DYM: variants seen among roughly 807,000 people sequenced by gnomAD.
The protein encoded by DYM is dyggve-Melchior-Clausen syndrome protein.
In DYM, 78 loss-of-function variants were observed where a neutral mutation model predicts 93.1. The ratio of observed to expected loss-of-function variants is 0.84; its 90% CI spans 0.70 to 1.01. DYM has a LOEUF of 1.01. DYM is among the 50% of genes least tolerant of loss of function. DYM has a pLI of 0.00. For synonymous variants in DYM, 321 were observed against 319.7 expected (o/e 1.00, Z -0.04); for missense variants, 789 against 845.0 (o/e 0.93, Z 0.82).
chr18:49,050,118 C>T (rs770215127), intron 17 of DYM, among the ~76,000 whole-genome samples: 1 of 135,810 alleles, frequency 7.4e-6, no homozygotes, highest in South Asian at 2.5e-4. Flanking sequence ...TGGAGTTTCA[C>T]TCTTGTTGCC....
At chr18:49,197,178 C>A (rs372373913) in intron 14 of DYM, among the ~76,000 whole-genome samples, 16 of 152,190 alleles carry the variant, frequency 1.1e-4, no homozygotes, top group East Asian at 7.7e-4. Context: ...CAGGACAGGA[C>A]AAGGGCTCAG....
intron 14 of DYM, among the ~76,000 whole-genome samples, chr18:49,170,894 A>G (rs1440720824): frequency 2.0e-5 from 3 of 152,030 alleles, no homozygotes; most frequent in Non-Finnish European, 4.4e-5. Context: ...GAACTAGGAA[A>G]GAAAGACATT....
intron 13 of DYM, among the ~76,000 whole-genome samples, chr18:49,229,133 TTA>T (rs1188146017): frequency 2.1e-5 from 1 of 48,088 alleles, no homozygotes; most frequent in Non-Finnish European, 3.9e-5. Flanking sequence ...AAAACTAATT[TTA>T]GATTTATTAA....
intron 8 of DYM, among the ~76,000 whole-genome samples, chr18:49,320,443 G>A (rs980490603): frequency 6.6e-6 from 1 of 152,046 alleles, no homozygotes; most frequent in African/African-American, 2.4e-5. Context: ...TCAAAGTTAA[G>A]TTGCAGAAAC....
At chr18:49,203,643 G>A (rs2092286143) in intron 14 of DYM, among the ~76,000 whole-genome samples, 1 of 141,518 alleles carries the variant, frequency 7.1e-6, no homozygotes, top group African/African-American at 2.6e-5. Context: ...TTAAACAGAT[G>A]CTTGAAGGCA....
chr18:49,349,397 TAGAC>T (rs1213400901), intron 6 of DYM, among the ~76,000 whole-genome samples: 3 of 152,174 alleles, frequency 2.0e-5, no homozygotes, highest in Non-Finnish European at 4.4e-5. Context: ...AAAATTAAGA[TAGAC>T]TGACAGATTG....
intron 17 of DYM, among the ~76,000 whole-genome samples, chr18:49,069,268 G>A (rs920020793): frequency 7.9e-5 from 12 of 152,180 alleles, no homozygotes; most frequent in African/African-American, 2.9e-4. Context: ...CCCTCCCAAA[G>A]TAAAATAAAA....
intron 16 of DYM, among the ~76,000 whole-genome samples, chr18:49,100,341 T>G (rs1330804532): frequency 1.3e-5 from 2 of 152,094 alleles, no homozygotes; most frequent in Admixed American, 1.3e-4. Context: ...CAGTATTCAC[T>G]TACTACTCAA....
chr18:49,363,311 T>G, intron 5 of DYM, 78 bp from the exon 6 acceptor site: 1 of 1,000,764 alleles, frequency 1.0e-6, no homozygotes, highest in Non-Finnish European at 1.6e-6. Flanking sequence ...ACATTTTCAT[T>G]CCTAATGAGA....
intron 2 of DYM, chr18:49,393,589 G>A (rs2069667292): frequency 6.6e-6 from 1 of 152,140 alleles, no homozygotes; most frequent in African/African-American, 2.4e-5. Flanking sequence ...TGACCAACAT[G>A]GAGAAACCCC....
intron 13 of DYM, among the ~76,000 whole-genome samples, chr18:49,243,018 A>G (rs917294450): frequency 6.6e-6 from 1 of 152,162 alleles, no homozygotes; most frequent in Non-Finnish European, 1.5e-5. Flanking sequence ...GGGTTTCTAA[A>G]GGAAGCTTAG....
At chr18:49,309,803 T>C (rs1325712729) in intron 8 of DYM, among the ~76,000 whole-genome samples, 1 of 151,928 alleles carries the variant, frequency 6.6e-6, no homozygotes, top group African/African-American at 2.4e-5. Flanking sequence ...GGAATAATAA[T>C]GGAAAAAAAG....
Position 49,421,176 on chromosome 18 carries a change from T to C in DYM, c.140+9079A>G, listed in dbSNP as rs535714397. Reference sequence around the variant, plus strand: ...GGTTCTCCCAGCACGGAGTTTGAGATCTGAGAATGGACAGACTGCCTCCTC... The same window carrying C: ...GGTTCTCCCAGCACGGAGTTTGAGACCTGAGAATGGACAGACTGCCTCCTC... On this transcript the variant is annotated intron_variant, in intron 2 of 17. Coordinates refer to ENST00000675505, the MANE Select transcript of DYM (RefSeq NM_001353214.3). Among the ~76,000 whole-genome samples, 475 of 152,270 alleles carry C rather than the reference T, an allele frequency of 3.1e-3. 2 individuals are homozygous for C. The highest frequency in any genetic ancestry group is 0.01 in the African/African-American group (420 of 41,554).
intron 17 of DYM, among the ~76,000 whole-genome samples, chr18:49,051,328 T>C (rs974461830): frequency 6.6e-6 from 1 of 152,210 alleles, no homozygotes; most frequent in Non-Finnish European, 1.5e-5. Context: ...CTTGGCTCTG[T>C]CTTGGCTCAG....
rs1269629918 is a variant in DYM at position 49,093,578 on chromosome 18, AG to A, written c.2025+3823del. Among the ~76,000 whole-genome samples the A allele has an allele frequency of 2.0e-5, 3 of 152,174 alleles. No individual in the cohort carries two copies. In the East Asian group the frequency reaches 5.8e-4, roughly 29 times the overall value. ...AATGACTTGAGAAATGAGAATTTCT[AG>A]GGTTTGGGATCTAACAGTACTTTTG... On this transcript the variant is annotated intron_variant, in intron 17 of 17. Coordinates refer to ENST00000675505, the MANE Select transcript of DYM (RefSeq NM_001353214.3).
At chr18:49,440,353 A>T (rs1443894514) in intron 1 of DYM, among the ~76,000 whole-genome samples, 8 of 123,870 alleles carry the variant, frequency 6.5e-5, no homozygotes, top group Admixed American at 6.4e-4. Context: ...TATATAATAT[A>T]GTATATGATA....
rs776193537 is a variant in DYM at position 49,244,187 on chromosome 18, G to A, written c.1460+12823C>T. The stretch of plus-strand genomic sequence containing the variant: ...TACTCATTTAGAGGGTATTTGCTAC[G>A]TATGACTATCTCCTTGGGAGAACTG... On this transcript the variant is annotated intron_variant, in intron 13 of 17. Transcript: ENST00000675505. Among the ~76,000 whole-genome samples the A allele has an allele frequency of 7.9e-5, 12 of 152,124 alleles. 1 individual carries two copies. The highest frequency in any genetic ancestry group is 3.3e-4 in the Admixed American group (5 of 15,264).
intron 14 of DYM, among the ~76,000 whole-genome samples, chr18:49,199,771 G>A (rs1411604138): frequency 6.6e-6 from 1 of 152,130 alleles, no homozygotes; most frequent in Non-Finnish European, 1.5e-5. Context: ...CTTGTTTTGA[G>A]GAAACTCATT....
chr18:49,134,846 G>A (rs909990809), intron 15 of DYM, among the ~76,000 whole-genome samples: 2 of 152,170 alleles, frequency 1.3e-5, no homozygotes, highest in African/African-American at 4.8e-5. Flanking sequence ...GGTGGCTCAC[G>A]CCAGTAATTC....
Sources: allele counts gnomAD v4.1 joint callset (sites outside exome capture counted in the v4.1 genomes callset), GRCh38; gene constraint gnomAD v4.1.1; transcripts MANE v1.5; gene names NCBI Gene and HGNC (gene_info 2026-07-23, HGNC 2026-07-21).